FUT8: variants seen among roughly 807,000 people sequenced by gnomAD.
The protein encoded by FUT8 is fucosyltransferase 8, also known as alpha-(1,6)-fucosyltransferase.
In FUT8, 29 loss-of-function variants were observed where a neutral mutation model predicts 71.3. The ratio of observed to expected loss-of-function variants is 0.41; its 90% confidence interval spans 0.30 to 0.55. The LOEUF (loss-of-function observed/expected upper bound fraction) is 0.55, where lower values mean the gene tolerates loss of function less well. FUT8 is among the 20% of genes least tolerant of loss of function. FUT8 has a pLI of 0.34. For missense variants in FUT8, 544 were observed against 702.1 expected (o/e 0.77, Z 2.55); for synonymous variants, 254 against 239.3 (o/e 1.06, Z -0.57).
rs1894379712 is a variant in FUT8, at chr14:65,702,887, C to T, written c.836-18888C>T. ...TCAGCCTCCCAAGTAGCTGGGACTA[C>T]AGGTGCATGCCACCACGCCCAGCTA... On this transcript the variant is annotated intron_variant, in intron 7 of 10. Transcript: ENST00000673929. 1.3e-5 allele frequency among the ~76,000 whole-genome samples: 2 copies of T among 152,110 alleles called. 1 individual carries two copies. Among genetic ancestry groups the T allele is most frequent in the South Asian group, 4.1e-4 (2 of 4,820 alleles).
At chr14:65,423,778 A>C (rs2065338966) in intron 1 of FUT8, among the ~76,000 whole-genome samples, 2 of 152,236 alleles carry the variant, frequency 1.3e-5, no homozygotes, top group Admixed American at 1.3e-4. Context: ...GAAACTTATT[A>C]AAGTTTATAG....
intron 2 of FUT8, among the ~76,000 whole-genome samples, chr14:65,470,417 G>A (rs1465975668): frequency 1.3e-5 from 2 of 152,168 alleles, no homozygotes; most frequent in African/African-American, 4.8e-5. Context: ...ACCCAGGCTT[G>A]GGTGGCTTGG....
At chr14:65,359,563 C>T in the FUT8 span, among the ~76,000 whole-genome samples, 1 of 152,204 alleles carries the variant, frequency 6.6e-6, no homozygotes, top group Non-Finnish European at 1.5e-5. Flanking sequence ...AATTTCACTA[C>T]TCCAAGTATG....
rs3837618 is a variant in FUT8, at chr14:65,702,762, CAG to C, written c.836-19010_836-19009del. Among the ~76,000 whole-genome samples the C allele has an allele frequency of 5.8e-3, 875 of 149,850 alleles. 31 individuals carry two copies. In the East Asian group the frequency reaches 0.095, roughly 16 times the overall value. On this transcript the variant is annotated intron_variant, in intron 7 of 10. Coordinates refer to ENST00000673929, the MANE Select transcript of FUT8 (RefSeq NM_001371533.1). ...TTTTTGTGGTTTTTTTTTTTTTAAA[CAG>C]AGTTTTGGTGTGTCGCCAGGCTGGA...
intron 2 of FUT8, among the ~76,000 whole-genome samples, chr14:65,520,078 C>T (rs892792936): frequency 2.6e-5 from 4 of 152,196 alleles, no homozygotes; most frequent in African/African-American, 7.2e-5. Flanking sequence ...CATGCCCAGC[C>T]TACCTTTAAC....
intron 2 of FUT8, among the ~76,000 whole-genome samples, chr14:65,499,568 C>CT (rs1319185896): frequency 6.6e-6 from 1 of 151,920 alleles, no homozygotes; most frequent in Admixed American, 6.6e-5. Flanking sequence ...AATCCCAACA[C>CT]TTTGGGAGGC....
chr14:65,655,954 AT>A (rs1891658364), intron 6 of FUT8, among the ~76,000 whole-genome samples: 1 of 152,220 alleles, frequency 6.6e-6, no homozygotes, highest in Non-Finnish European at 1.5e-5. Context: ...TAAAGGGAAT[AT>A]ACCTCAACAT....
At chr14:65,358,501 G>T in the FUT8 span, among the ~76,000 whole-genome samples, 1 of 151,510 alleles carries the variant, frequency 6.6e-6, no homozygotes, top group African/African-American at 2.4e-5. Context: ...TGGAGATAGG[G>T]TCTCACTTTG....
intron 1 of FUT8, among the ~76,000 whole-genome samples, chr14:65,445,471 G>A (rs1408070389): frequency 6.6e-6 from 1 of 152,190 alleles, no homozygotes; most frequent in Non-Finnish European, 1.5e-5. Flanking sequence ...GGGGGAGGGT[G>A]TGTGACTATG....
At chr14:65,523,774 T>C (rs1445660030) in intron 2 of FUT8, among the ~76,000 whole-genome samples, 1 of 152,206 alleles carries the variant, frequency 6.6e-6, no homozygotes, top group Non-Finnish European at 1.5e-5. Context: ...AGGGATCCAG[T>C]TTCAGCTTTC....
intron 7 of FUT8, among the ~76,000 whole-genome samples, chr14:65,712,568 C>T (rs1337914614): frequency 1.3e-5 from 2 of 152,088 alleles, no homozygotes; most frequent in Non-Finnish European, 2.9e-5. Flanking sequence ...CCTCAGCCTC[C>T]TGAGTAGCTG....
At chr14:65,365,901 G>A in the FUT8 span, among the ~76,000 whole-genome samples, 1 of 151,786 alleles carries the variant, frequency 6.6e-6, no homozygotes, top group East Asian at 1.9e-4. Flanking sequence ...GCAGTGGTGC[G>A]ATCTTGGCTC....
rs532452618 is a variant in FUT8 at position 65,743,976 on chromosome 14, T to C, written c.*1566T>C. ...CCTTCATATCTTCACCAAATGAAAATACTGTATATAAAATTTCACCACCAA... is the reference window on the plus strand; with the variant it reads ...CCTTCATATCTTCACCAAATGAAAACACTGTATATAAAATTTCACCACCAA... On this transcript the variant is annotated 3_prime_UTR_variant, in exon 11 of 11. Transcript: ENST00000673929. The C allele has an allele frequency of 2.0e-5, 3 of 151,906 alleles. No homozygotes were observed. In the East Asian group the frequency reaches 5.8e-4, roughly 30 times the overall value. 9.4% of individuals were successfully genotyped at this position (151,906 alleles called of 1,614,324 possible).
chr14:65,377,788 G>A, the FUT8 span, among the ~76,000 whole-genome samples: 2 of 152,116 alleles, frequency 1.3e-5, no homozygotes, highest in Non-Finnish European at 2.9e-5. Flanking sequence ...CTCCCACCGA[G>A]CACATGACAT....
intron 2 of FUT8, among the ~76,000 whole-genome samples, chr14:65,519,598 A>C (rs950382683): frequency 1.3e-5 from 2 of 152,142 alleles, no homozygotes; most frequent in Non-Finnish European, 1.5e-5. Context: ...ATGTTTCTGG[A>C]TAAATTTTTT....
At chr14:65,430,827 A>G (rs1218070974) in intron 1 of FUT8, among the ~76,000 whole-genome samples, 1 of 152,184 alleles carries the variant, frequency 6.6e-6, no homozygotes, top group Non-Finnish European at 1.5e-5. Context: ...CTCTCTTTAA[A>G]AAAGGGATAT....
the FUT8 span, among the ~76,000 whole-genome samples, chr14:65,375,680 G>A: frequency 5.9e-5 from 9 of 152,262 alleles, no homozygotes; most frequent in East Asian, 7.7e-4. Flanking sequence ...CCCATTTTAC[G>A]GATGAAATAG....
At chr14:65,411,578 T>C (rs974266930), upstream of FUT8, 5 of 176,404 alleles carry the variant, frequency 2.8e-5, no homozygotes, top group African/African-American at 1.2e-4. Context: ...ATCTCCTTTC[T>C]GTGATCTTTT....
At chr14:65,439,959 T>C (rs61989995) in intron 1 of FUT8, among the ~76,000 whole-genome samples, 3,910 of 61,688 alleles carry the variant, frequency 0.063, 244 homozygotes, top group African/African-American at 0.094. Context: ...TGTGTGTATA[T>C]ATATATATAT....
Sources: allele counts gnomAD v4.1 joint callset (sites outside exome capture counted in the v4.1 genomes callset), GRCh38; gene constraint gnomAD v4.1.1; transcripts MANE v1.5; gene names NCBI Gene and HGNC (gene_info 2026-07-23, HGNC 2026-07-21).